The following DOCK5 variants were observed in gnomAD, a reference collection of about 807,000 sequenced individuals.
The protein encoded by DOCK5 is dedicator of cytokinesis 5.
Under a neutral mutation model 251.8 loss-of-function variants are expected in DOCK5, and 142 were observed. That is an observed-to-expected ratio of 0.56 (90% CI 0.49 to 0.65). The LOEUF (loss-of-function observed/expected upper bound fraction) is 0.65, where lower values mean the gene tolerates loss of function less well. Ranked by LOEUF, DOCK5 falls within the 30% of genes least tolerant of loss-of-function variation. DOCK5 has a pLI of 0.00. For missense variants in DOCK5, 2,111 were observed against 2,312.3 expected, an observed-to-expected ratio of 0.91 and a Z score of 1.79; for synonymous variants, 842 against 835.5, an observed-to-expected ratio of 1.01 and a Z score of -0.13.
At chr8:25,350,090 G>A (rs1800439286) in intron 26 of DOCK5, among the ~76,000 whole-genome samples, 4 of 152,126 alleles carry the variant, frequency 2.6e-5, no homozygotes, top group Admixed American at 2.6e-4. Flanking sequence ...GCAAGTTCTG[G>A]GAATCTAATG....
At chr8:25,385,905 GA>G (rs925279864) in intron 40 of DOCK5, among the ~76,000 whole-genome samples, 1 of 152,030 alleles carries the variant, frequency 6.6e-6, no homozygotes, top group East Asian at 1.9e-4. Context: ...GCAAAAACCA[GA>G]AAAAAAGTTA....
chr8:25,249,193 G>A (rs1803201633), intron 2 of DOCK5, among the ~76,000 whole-genome samples: 1 of 152,046 alleles, frequency 6.6e-6, no homozygotes, highest in East Asian at 1.9e-4. Flanking sequence ...GAGAGGTGAA[G>A]CCTTGCTGTG....
chr8:25,395,594 G>A lies in DOCK5; in HGVS notation c.4579G>A (p.Glu1527Lys), dbSNP rs780463554. 25 of 1,613,630 alleles carry A rather than the reference G, an allele frequency of 1.5e-5. No homozygotes were observed. Among genetic ancestry groups the A allele is most frequent in the East Asian group, 4.5e-5 (2 of 44,884 alleles). ...CATCGAAACCATGGAGCTGACCAAC[G>A]AGAGGATCAGCAACTGTGTTCAGCA... Reference protein sequence around the residue: ...NAIETMELTNERISNCVQQHA... With the variant: ...NAIETMELTNKRISNCVQQHA... Residue 1527 changes from glutamate to lysine, a missense_variant, in exon 45 of 52, where the codon GAG becomes AAG. Glu to Lys is a moderately conservative substitution (Grantham distance 56). Transcript: ENST00000276440.
At chr8:25,342,340 A>C in intron 24 of DOCK5, 61 bp from the exon 25 acceptor site, 1 of 1,342,610 alleles carries the variant, frequency 7.4e-7, no homozygotes, top group South Asian at 1.3e-5. Context: ...AGAAAAGTTT[A>C]TAATGATGCC....
chr8:25,358,036 C>T (rs987893643), intron 27 of DOCK5, among the ~76,000 whole-genome samples: 7 of 152,080 alleles, frequency 4.6e-5, no homozygotes, highest in African/African-American at 9.7e-5. Context: ...TCACAATTCA[C>T]GTGGGTAGTA....
chr8:25,356,180 C>T lies in DOCK5; in HGVS notation c.2851-2783C>T, dbSNP rs1800565605. On this transcript the variant is annotated intron_variant, in intron 27 of 51. Coordinates refer to ENST00000276440, the MANE Select transcript of DOCK5 (RefSeq NM_024940.8). ...GCGCCACTGCACTCCAGCCTGGTGA[C>T]AGAGCGAGACTCCGTCTCGAAAAAA... Among the ~76,000 whole-genome samples, 3 of 152,164 alleles carry T rather than the reference C, an allele frequency of 2.0e-5. No individual in the cohort carries two copies. The South Asian group carries it at 6.2e-4, about 32-fold the overall frequency.
intron 2 of DOCK5, among the ~76,000 whole-genome samples, chr8:25,250,323 T>A (rs1479310485): frequency 6.6e-6 from 1 of 152,224 alleles, no homozygotes; most frequent in African/African-American, 2.4e-5. Flanking sequence ...GTTACAGGTC[T>A]CCAGGAATTA....
chr8:25,364,217 T>C (rs552596719), intron 29 of DOCK5, among the ~76,000 whole-genome samples: 21 of 152,238 alleles, frequency 1.4e-4, no homozygotes, highest in Admixed American at 2.6e-4. Flanking sequence ...TACCCAATTC[T>C]GAGTAATTCT....
At chr8:25,236,503 G>A (rs545953203) in intron 1 of DOCK5, among the ~76,000 whole-genome samples, 22 of 152,160 alleles carry the variant, frequency 1.4e-4, no homozygotes, top group Non-Finnish European at 2.4e-4. Flanking sequence ...GATGAGTTGT[G>A]CCTCTTTAGT....
At chr8:25,381,967 A>G (rs1801075514) in intron 39 of DOCK5, among the ~76,000 whole-genome samples, 2 of 151,980 alleles carry the variant, frequency 1.3e-5, no homozygotes, top group Admixed American at 1.3e-4. Context: ...TTTCATCCAG[A>G]CCACCTGCAT....
At chr8:25,328,847 A>G (rs1251487839) in intron 18 of DOCK5, among the ~76,000 whole-genome samples, 1 of 152,202 alleles carries the variant, frequency 6.6e-6, no homozygotes, top group Non-Finnish European at 1.5e-5. Flanking sequence ...CAGGAGGTTC[A>G]TACTCAGTCA....
At chr8:25,260,796 CTTT>C (rs756698835) in intron 2 of DOCK5, among the ~76,000 whole-genome samples, 1 of 146,562 alleles carries the variant, frequency 6.8e-6, no homozygotes, top group African/African-American at 2.5e-5. Flanking sequence ...TTCTTTCTTT[CTTT>C]TTTTTTTTTT....
Position 25,342,397 on chromosome 8 carries a change from C to A in DOCK5, c.2511-4C>A. On this transcript the variant is annotated splice_region_variant and splice_polypyrimidine_tract_variant and intron_variant, in intron 24 of 51. Transcript: ENST00000276440. ...CACTACTAACCCTGAGGTTTCTCTC[C>A]CAGCGTGCTCTTCTGCAAATTCATT... is the stretch of plus-strand genomic sequence containing the variant. 1 of 1,579,258 alleles carries A rather than the reference C, an allele frequency of 6.3e-7. No homozygotes were observed. The highest frequency in any genetic ancestry group is 2.3e-5 in the East Asian group (1 of 43,616).
intron 38 of DOCK5, among the ~76,000 whole-genome samples, chr8:25,379,195 A>G (rs1463738545): frequency 6.6e-6 from 1 of 152,210 alleles, no homozygotes; most frequent in Non-Finnish European, 1.5e-5. Flanking sequence ...GTCTGACCAA[A>G]AATTTACCAG....
At position 25,292,164 on chromosome 8, in the gene DOCK5, T is replaced by C. The variant is rs756735571; in HGVS notation, c.462T>C (p.His154=). The C allele has an allele frequency of 1.2e-5, 19 of 1,575,784 alleles. No homozygotes were observed. The highest frequency in any genetic ancestry group is 2.3e-5 in the East Asian group (1 of 43,250). ...LKKKVTAKID[H]GNRMLGLDLV... is the part of the protein sequence containing the mutation. ...AGAAAGTCACAGCCAAAATTGATCA[T>C]GGGAACAGGTAGGTAAACCAGGGAT... Residue 154 remains histidine, a synonymous_variant, in exon 6 of 52, where the codon CAT becomes CAC. Coordinates refer to ENST00000276440, the MANE Select transcript of DOCK5 (RefSeq NM_024940.8).
At chr8:25,395,401 A>G (rs1801328951) in intron 44 of DOCK5, 142 bp from the exon 45 acceptor site, 1 of 909,594 alleles carries the variant, frequency 1.1e-6, no homozygotes, top group Non-Finnish European at 1.6e-6. Context: ...CCCCTGCTAT[A>G]AGTCTAACCT....
intron 28 of DOCK5, among the ~76,000 whole-genome samples, chr8:25,361,404 G>T (rs909611787): frequency 1.3e-5 from 2 of 152,088 alleles, no homozygotes; most frequent in Admixed American, 6.6e-5. Context: ...GAAGTCAGGA[G>T]TTCGAGACCA....
intron 1 of DOCK5, among the ~76,000 whole-genome samples, chr8:25,223,621 G>A (rs1358269483): frequency 6.6e-6 from 1 of 152,198 alleles, no homozygotes. Flanking sequence ...GGGACTGGCC[G>A]TGATTTTTAA....
chr8:25,271,613 T>C (rs1024782402), intron 3 of DOCK5, among the ~76,000 whole-genome samples: 1 of 152,226 alleles, frequency 6.6e-6, no homozygotes, highest in Admixed American at 6.5e-5. Context: ...TAGTTGATGA[T>C]AAAAGGAGCT....
Sources: allele counts gnomAD v4.1 joint callset (sites outside exome capture counted in the v4.1 genomes callset), GRCh38; gene constraint gnomAD v4.1.1; transcripts MANE v1.5; gene names NCBI Gene and HGNC (gene_info 2026-07-23, HGNC 2026-07-21).